The following ANKRD30BL variants were observed in gnomAD, a reference collection of about 807,000 sequenced individuals.
ANKRD30BL encodes ankyrin repeat domain 30B like.
Under a neutral mutation model 18.4 loss-of-function variants are expected in ANKRD30BL, and 20 were observed. That is an observed-to-expected ratio of 1.09 (90% confidence interval 0.77 to 1.58). The LOEUF (loss-of-function observed/expected upper bound fraction) is 1.58. Among genes scored for constraint, ANKRD30BL ranks in the 40% most tolerant of loss-of-function variants. The pLI is 0.00. For synonymous variants in ANKRD30BL, 72 were observed against 100.9 expected (o/e 0.71, Z 1.72); for missense variants, 224 against 268.6 (o/e 0.83, Z 1.16).
chr2:132,223,494 T>G (rs1194121524), intron 1 of ANKRD30BL, among the ~76,000 whole-genome samples: 1 of 151,806 alleles, frequency 6.6e-6, no homozygotes, highest in Non-Finnish European at 1.5e-5. Context: ...AACTTCTTTG[T>G]GATATTTGTA....
chr2:132,223,100 C>T (rs7557497), intron 1 of ANKRD30BL, among the ~76,000 whole-genome samples: 11,009 of 151,560 alleles, frequency 0.073, 1,276 homozygotes, highest in African/African-American at 0.25. Context: ...TCGTTGGAAA[C>T]GGGAATATAT....
At chr2:132,153,545 G>A (rs902835663) in intron 4 of ANKRD30BL, 3 of 535,718 alleles carry the variant, frequency 5.6e-6, no homozygotes, top group Admixed American at 4.2e-5. Context: ...GCCTTTAAAT[G>A]TAAACACTTA....
chr2:132,236,274 C>T (rs1263224383), intron 1 of ANKRD30BL, among the ~76,000 whole-genome samples: 1 of 152,080 alleles, frequency 6.6e-6, no homozygotes, highest in Non-Finnish European at 1.5e-5. Context: ...AGGACATAGG[C>T]ATGGGCAAGG....
At chr2:132,173,558 A>G (rs1438823147) in intron 1 of ANKRD30BL, among the ~76,000 whole-genome samples, 1 of 151,908 alleles carries the variant, frequency 6.6e-6, no homozygotes. Flanking sequence ...CAGCCTCCCA[A>G]AGTGCTGGGA....
intron 1 of ANKRD30BL, among the ~76,000 whole-genome samples, chr2:132,240,547 A>C (rs1286367579): frequency 1.3e-5 from 2 of 151,942 alleles, no homozygotes; most frequent in Non-Finnish European, 2.9e-5. Flanking sequence ...GGGTGTACTC[A>C]ACTCACAGAA....
chr2:132,254,374 C>G (rs62164985), intron 1 of ANKRD30BL, among the ~76,000 whole-genome samples: 3 of 132,164 alleles, frequency 2.3e-5, no homozygotes, highest in East Asian at 2.2e-4. Context: ...GTTCACCTAC[C>G]GAAACTTTGT....
intron 1 of ANKRD30BL, among the ~76,000 whole-genome samples, chr2:132,220,354 C>CTCTCCT (rs1679641299): frequency 9.0e-6 from 1 of 110,770 alleles, no homozygotes; most frequent in African/African-American, 3.7e-5. Flanking sequence ...CTCCCTGTCC[C>CTCTCCT]TCTCCCTCTC....
chr2:132,199,558 G>A (rs1430652706), intron 1 of ANKRD30BL, among the ~76,000 whole-genome samples: 2 of 151,458 alleles, frequency 1.3e-5, no homozygotes, highest in African/African-American at 4.9e-5. Context: ...CCAAGCTGGA[G>A]TGCAGTGGCG....
At chr2:132,197,653 C>T (rs1678994345) in intron 1 of ANKRD30BL, among the ~76,000 whole-genome samples, 1 of 151,798 alleles carries the variant, frequency 6.6e-6, no homozygotes, top group East Asian at 1.9e-4. Context: ...GGTTTGTTAA[C>T]TTTTCCAAAA....
At chr2:132,223,357 T>C (rs1679749064) in intron 1 of ANKRD30BL, among the ~76,000 whole-genome samples, 1 of 151,892 alleles carries the variant, frequency 6.6e-6, no homozygotes, top group Non-Finnish European at 1.5e-5. Flanking sequence ...GTTGAAACTT[T>C]CTTTTGAGAG....
chr2:132,201,570 T>C (rs969023787), intron 1 of ANKRD30BL, among the ~76,000 whole-genome samples: 4 of 152,100 alleles, frequency 2.6e-5, no homozygotes, highest in Non-Finnish European at 4.4e-5. Context: ...ATCAGAGAAA[T>C]GCAAATCAAA....
intron 1 of ANKRD30BL, among the ~76,000 whole-genome samples, chr2:132,172,579 A>G (rs567283852): frequency 3.9e-4 from 60 of 152,174 alleles, no homozygotes; most frequent in Admixed American, 7.2e-4. Flanking sequence ...ACCATTTATT[A>G]TTGTTGTTGA....
In ANKRD30BL at chr2:132,175,433, G is replaced by A. The variant is rs974289116; in HGVS notation, n.442-18287C>T. ...TTGCTGCCAACATGTCTTGCCTCCT[G>A]CCATAAGGTGGTTTTTCTCCTATCT... On this transcript the variant is annotated intron_variant and non_coding_transcript_variant, in intron 1 of 4. Coordinates refer to the ANKRD30BL transcript ENST00000470729. Among the ~76,000 whole-genome samples, 4 of 152,348 alleles carry A rather than the reference G, an allele frequency of 2.6e-5. No homozygotes were observed. The South Asian group carries it at 6.2e-4, about 24-fold the overall frequency.
chr2:132,156,229 A>G (rs1687901153), intron 3 of ANKRD30BL: 1 of 152,202 alleles, frequency 6.6e-6, no homozygotes, highest in African/African-American at 2.4e-5. Context: ...AACATGATTA[A>G]TCTAAAAAGG....
Position 132,198,256 on chromosome 2 carries a change from CTTCTTTCTTTCTTTTCTTTCTTTCT to C in ANKRD30BL, n.442-41135_442-41111del, listed in dbSNP as rs1416504210. 5.0e-4 allele frequency among the ~76,000 whole-genome samples: 69 copies of C among 137,036 alleles called. 3 individuals carry two copies. Among genetic ancestry groups the C allele is most frequent in the African/African-American group, 2.1e-3 (66 of 32,182 alleles). 89.9% of individuals were successfully genotyped at this position (137,036 alleles called of 152,430 possible). On this transcript the variant is annotated intron_variant and non_coding_transcript_variant, in intron 1 of 4. Transcript: ENST00000470729. ...TTTTCTCTTTCATAATTTACTATAC[CTTCTTTCTTTCTTTTCTTTCTTTCT>C]TTCTTTCTTTCTTTCTTTCTTTCTT...
intron 1 of ANKRD30BL, among the ~76,000 whole-genome samples, chr2:132,198,309 T>C: frequency 2.8e-5 from 1 of 36,334 alleles, no homozygotes; most frequent in African/African-American, 1.2e-4. Context: ...TCTTTCTTTC[T>C]TTCTTTCTTT....
chr2:132,192,991 C>T (rs1171549165), intron 1 of ANKRD30BL, among the ~76,000 whole-genome samples: 4 of 152,118 alleles, frequency 2.6e-5, no homozygotes, highest in Admixed American at 6.5e-5. Context: ...ATATCTGAGA[C>T]GAGGAAGCTG....
Position 132,148,168 on chromosome 2 carries a change from G to A in ANKRD30BL, c.740C>T (p.Thr247Met), listed in dbSNP as rs111770980. The A allele has an allele frequency of 7.5e-6, 12 of 1,602,800 alleles. No individual in the cohort carries two copies. Among genetic ancestry groups the A allele is most frequent in the South Asian group, 4.5e-5 (4 of 89,746 alleles). ...TGTTCTTTCCACCAAGCTTTCAGCCGTGTCAGGTGTTCTTTCCGCCAAGGG... is the reference window on the plus strand; with the variant it reads ...TGTTCTTTCCACCAAGCTTTCAGCCATGTCAGGTGTTCTTTCCGCCAAGGG... ...AAPLAERTPDTAESLVERTPD... is the reference protein window; with the variant it reads ...AAPLAERTPDMAESLVERTPD... Residue 247 changes from threonine to methionine, a missense_variant, in exon 6 of 6, where the codon ACG becomes ATG. This residue lies in a region of ANKRD30BL where 63 missense variants were observed against 62.3 expected (regional missense o/e 1.01). Coordinates refer to ENST00000409867, the MANE Select transcript of ANKRD30BL (RefSeq NM_001358416.1).
At chr2:132,205,334 G>A (rs1373429985) in intron 1 of ANKRD30BL, among the ~76,000 whole-genome samples, 1 of 150,984 alleles carries the variant, frequency 6.6e-6, no homozygotes, top group Non-Finnish European at 1.5e-5. Context: ...GCATGGGCTG[G>A]GCATTGTGGC....
Sources: gnomAD v4.1 joint callset for allele counts (sites outside exome capture counted in the v4.1 genomes callset) on GRCh38, gnomAD v4.1.1 for gene constraint, gnomAD v4.1.1 regional missense constraint, MANE v1.5 for transcripts, NCBI Gene and HGNC (gene_info 2026-07-23, HGNC 2026-07-21) for gene names.